The following LAMC1 variants were observed in gnomAD, a reference collection of about 807,000 sequenced individuals.
LAMC1 encodes the protein laminin subunit gamma-1.
In LAMC1, 38 loss-of-function variants were observed where a neutral mutation model predicts 173.6. The ratio of observed to expected loss-of-function variants is 0.22; its 90% CI spans 0.17 to 0.29. The LOEUF is 0.29. LAMC1 is among the 10% of genes least tolerant of loss of function. The pLI, the probability that LAMC1 is intolerant of heterozygous loss-of-function variation, is 1.00. For missense variants in LAMC1, 1,824 were observed against 2,051.8 expected, an observed-to-expected ratio of 0.89 and a Z score of 2.14; for synonymous variants, 746 against 749.1, an observed-to-expected ratio of 1.00 and a Z score of 0.07.
intron 1 of LAMC1, among the ~76,000 whole-genome samples, chr1:183,070,501 T>G (rs1571421027): frequency 6.6e-6 from 1 of 152,336 alleles, no homozygotes; most frequent in East Asian, 1.9e-4. Context: ...TGTGTGTTCT[T>G]CCTTTGTCAT....
chr1:183,052,125 G>C (rs539321900), intron 1 of LAMC1, among the ~76,000 whole-genome samples: 11 of 152,098 alleles, frequency 7.2e-5, no homozygotes. Flanking sequence ...TCTGCACTGC[G>C]TATCCAAGAG....
chr1:183,048,820 GTCT>G (rs1052943131), intron 1 of LAMC1, among the ~76,000 whole-genome samples: 2 of 152,134 alleles, frequency 1.3e-5, no homozygotes, highest in Admixed American at 6.5e-5. Context: ...CTTTTAAATA[GTCT>G]TCTGCCCCTA....
chr1:183,099,369 C>T (rs1317869977), intron 1 of LAMC1, among the ~76,000 whole-genome samples: 1 of 152,100 alleles, frequency 6.6e-6, no homozygotes, highest in Admixed American at 6.6e-5. Context: ...GGATTACAGG[C>T]CTTAGCTACT....
chr1:183,086,251 C>T (rs908057053), intron 1 of LAMC1, among the ~76,000 whole-genome samples: 5 of 152,146 alleles, frequency 3.3e-5, no homozygotes, highest in Non-Finnish European at 1.5e-5. Flanking sequence ...GGCCGCGTTG[C>T]GATTATAATC....
chr1:183,107,885 A>G (rs10797838), intron 2 of LAMC1, among the ~76,000 whole-genome samples: 78,591 of 151,950 alleles, frequency 0.52, 21,014 homozygotes, highest in South Asian at 0.65. Flanking sequence ...TCTGATCCAA[A>G]TGTGGTGCCC....
At chr1:183,115,498 C>T (rs951027011) in intron 5 of LAMC1, 22 bp from the exon 6 acceptor site, 2 of 1,547,430 alleles carry the variant, frequency 1.3e-6, no homozygotes, top group Non-Finnish European at 1.8e-6. Flanking sequence ...TTTTGTTTGA[C>T]AATAGGCATT....
intron 1 of LAMC1, among the ~76,000 whole-genome samples, chr1:183,043,912 G>T (rs1264340151): frequency 6.6e-6 from 1 of 152,088 alleles, no homozygotes; most frequent in Non-Finnish European, 1.5e-5. Context: ...TTATTCTGTT[G>T]TTCTTGTTTT....
intron 1 of LAMC1, among the ~76,000 whole-genome samples, chr1:183,066,589 A>T (rs1654878673): frequency 6.6e-6 from 1 of 152,284 alleles, no homozygotes; most frequent in Admixed American, 6.5e-5. Context: ...GATAAAGGAA[A>T]TGTGGCACAT....
At chr1:183,128,416 A>C (rs1008768391) in intron 17 of LAMC1, among the ~76,000 whole-genome samples, 178 bp from the exon 18 acceptor site, 3 of 152,106 alleles carry the variant, frequency 2.0e-5, no homozygotes, top group African/African-American at 7.2e-5. Context: ...ATACATATGT[A>C]ACAAACCTGC....
In LAMC1 at chr1:183,140,428, G is replaced by A. The variant is rs143344584; in HGVS notation, c.4498G>A (p.Glu1500Lys). ...GMASQAAQEA[E>K]INARKAKNSV... ...GGCTTCACAGGCTGCTCAAGAAGCC[G>A]AGATCAATGCCAGAAAAGCCAAAAA... The change falls in exon 27 of 28, where the codon GAG (glutamate) becomes AAG (lysine). Residue 1500 changes from glutamate to lysine, a missense_variant. Physicochemically the swap from Glu to Lys is moderately conservative, Grantham distance 56. Coordinates refer to ENST00000258341, the MANE Select transcript of LAMC1 (RefSeq NM_002293.4). 59 of 1,613,182 alleles carry A rather than the reference G, an allele frequency of 3.7e-5. No individual in the cohort carries two copies. Among genetic ancestry groups the A allele is most frequent in the Non-Finnish European group, 3.9e-5 (46 of 1,179,604 alleles).
intron 4 of LAMC1, among the ~76,000 whole-genome samples, chr1:183,113,030 G>A (rs1212386874): frequency 6.6e-6 from 1 of 152,168 alleles, no homozygotes; most frequent in Non-Finnish European, 1.5e-5. Flanking sequence ...AAAATAATTA[G>A]CAAGGCATGG....
At chr1:183,068,275 ACAATCT>A (rs1240636489) in intron 1 of LAMC1, among the ~76,000 whole-genome samples, 2 of 151,324 alleles carry the variant, frequency 1.3e-5, no homozygotes, top group Non-Finnish European at 2.9e-5. Flanking sequence ...AAGAATACAC[ACAATCT>A]CAATGCTGAA....
rs1302155153 is a variant in LAMC1, at chr1:183,133,536, T to C, written c.3835T>C (p.Ser1279Pro). The C allele has an allele frequency of 6.2e-7, 1 of 1,611,820 alleles. No individual in the cohort carries two copies. The highest frequency in any genetic ancestry group is 8.5e-7 in the Non-Finnish European group (1 of 1,178,650). ...CGTGGCTCAGCTGAGCCCTTTGGACTCTGAGACACTGGAGGTATGGGGGCA... is the reference window on the plus strand; with the variant it reads ...CGTGGCTCAGCTGAGCCCTTTGGACCCTGAGACACTGGAGGTATGGGGGCA... ...ASVAQLSPLD[S>P]ETLENEANNI... Residue 1279 changes from serine to proline, a missense_variant, in exon 22 of 28, where the codon TCT (serine) becomes CCT (proline). By Grantham distance (74) the Ser-to-Pro change is moderately conservative. Transcript: ENST00000258341.
intron 1 of LAMC1, among the ~76,000 whole-genome samples, chr1:183,097,027 C>A (rs955182202): frequency 6.6e-6 from 1 of 152,080 alleles, no homozygotes; most frequent in African/African-American, 2.4e-5. Context: ...TTGAGGATCC[C>A]ACAGTCAGTA....
intron 1 of LAMC1, among the ~76,000 whole-genome samples, chr1:183,039,093 C>G (rs1654058899): frequency 6.6e-6 from 1 of 152,098 alleles, no homozygotes; most frequent in South Asian, 2.1e-4. Flanking sequence ...CATCATACCC[C>G]TATTATGATG....
chr1:183,047,977 C>A (rs1274915599), intron 1 of LAMC1, among the ~76,000 whole-genome samples: 1 of 151,998 alleles, frequency 6.6e-6, no homozygotes, highest in Non-Finnish European at 1.5e-5. Flanking sequence ...ATTCGGAAGG[C>A]CCCATCTCTG....
At chr1:183,070,563 G>A (rs12563494) in intron 1 of LAMC1, among the ~76,000 whole-genome samples, 51,476 of 152,010 alleles carry the variant, frequency 0.34, 9,769 homozygotes, top group East Asian at 0.49. Flanking sequence ...TGTCTAGGGT[G>A]GTGAGATAAG....
At position 183,085,682 on chromosome 1, in the gene LAMC1, A is replaced by AG. The variant is rs1487578909; in HGVS notation, c.419-17642dup. 7.2e-5 allele frequency among the ~76,000 whole-genome samples: 11 copies of AG among 152,184 alleles called. No homozygotes were observed. The East Asian group carries it at 2.1e-3, about 29-fold the overall frequency. ...AGCATTCCCGGCTGTATACTTTTCAAGGGGCGGGGAGAATGCATTTGTCCT... is the reference window on the plus strand; with the variant it reads ...AGCATTCCCGGCTGTATACTTTTCAAGGGGGCGGGGAGAATGCATTTGTCCT... On this transcript the variant is annotated intron_variant, in intron 1 of 27. Transcript: ENST00000258341.
intron 11 of LAMC1, among the ~76,000 whole-genome samples, chr1:183,119,737 AAAAAGT>A (rs933453493): frequency 1.3e-5 from 2 of 149,822 alleles, no homozygotes; most frequent in Non-Finnish European, 3.0e-5. Flanking sequence ...CTGTCTGAAA[AAAAAGT>A]AAAATAAATA....
Sources: allele counts gnomAD v4.1 joint callset (sites outside exome capture counted in the v4.1 genomes callset), GRCh38; gene constraint gnomAD v4.1.1; transcripts MANE v1.5; gene names NCBI Gene and HGNC (gene_info 2026-07-23, HGNC 2026-07-21).